The following UPF1 variants were observed in gnomAD, a reference collection of about 807,000 sequenced individuals.
The protein encoded by UPF1 is UPF1 RNA helicase and ATPase, also known as regulator of nonsense transcripts 1.
UPF1 carries 9 observed loss-of-function variants against 129.2 expected under a neutral mutation model. That is an observed-to-expected ratio of 0.07 (90% CI 0.04 to 0.12). The LOEUF (loss-of-function observed/expected upper bound fraction) is 0.12. Among genes scored for constraint, UPF1 ranks in the 10% least tolerant of loss-of-function variants. The pLI, the probability that UPF1 is intolerant of heterozygous loss-of-function variation, is 1.00. For synonymous variants in UPF1, 649 were observed against 644.9 expected (o/e 1.01, Z -0.10); for missense variants, 788 against 1,525.3 (o/e 0.52, Z 8.05).
intron 1 of UPF1, among the ~76,000 whole-genome samples, chr19:18,845,752 G>T (rs1383552180): frequency 6.6e-6 from 1 of 152,224 alleles, no homozygotes; most frequent in East Asian, 1.9e-4. Context: ...TGGCTAGGCG[G>T]GGGTTAGACC....
intron 1 of UPF1, among the ~76,000 whole-genome samples, chr19:18,836,463 T>TA (rs1247061304): frequency 6.6e-6 from 1 of 152,122 alleles, no homozygotes; most frequent in African/African-American, 2.4e-5. Flanking sequence ...ATTTAATTCA[T>TA]AAAAAAATTC....
In UPF1 at chr19:18,857,548, C is replaced by T. The variant is rs377119259; in HGVS notation, c.2182+15C>T. ...TGTCACTGCAGGTAACGGGGCTCTG[C>T]CCAGGGCAGGGGCTTCTACAGAGAA... On this transcript the variant is annotated intron_variant, in intron 15 of 23. Coordinates refer to ENST00000262803, the MANE Select transcript of UPF1 (RefSeq NM_002911.4). 1.1e-5 allele frequency: 18 copies of T among 1,598,310 alleles called. No individual in the cohort carries two copies. The highest frequency in any genetic ancestry group is 1.5e-5 in the Non-Finnish European group (18 of 1,172,540).
chr19:18,861,708 A>G (rs2055781876), intron 17 of UPF1, among the ~76,000 whole-genome samples: 1 of 152,122 alleles, frequency 6.6e-6, no homozygotes, highest in African/African-American at 2.4e-5. Flanking sequence ...GCATGTGTCT[A>G]TGGTCCCAGC....
At chr19:18,842,429 G>A (rs1209694073) in intron 1 of UPF1, among the ~76,000 whole-genome samples, 2 of 152,138 alleles carry the variant, frequency 1.3e-5, no homozygotes, top group Non-Finnish European at 2.9e-5. Context: ...AGAGATAAGT[G>A]TGTGAGAGCA....
intron 17 of UPF1, 55 bp from the exon 18 acceptor site, chr19:18,861,955 G>A (rs138307785): frequency 6.1e-5 from 98 of 1,599,210 alleles, no homozygotes; most frequent in Non-Finnish European, 7.8e-5. Flanking sequence ...CTGCATTTTG[G>A]GGGGACTGGG....
At position 18,863,576 on chromosome 19, in the gene UPF1, C is replaced by T; in HGVS notation, c.2739C>T (p.Phe913=). Residue 913 remains phenylalanine (F), a synonymous_variant, in exon 19 of 24, where the codon TTC becomes TTT. Transcript: ENST00000262803. ...ACCTGCGTGAGAGCCTCATGCAGTT[C>T]AGCAAGCCACGGAAGCTGGTCAACA... is the stretch of plus-strand genomic sequence containing the variant. ...LNNLRESLMQ[F]SKPRKLVNTI... 4 of 1,613,774 alleles carry T rather than the reference C, an allele frequency of 2.5e-6. No homozygotes were observed. In the South Asian group the frequency reaches 4.4e-5, roughly 18 times the overall value.
chr19:18,851,777 A>G lies in UPF1; in HGVS notation c.811-358A>G, dbSNP rs151195036. ...AGCTGCTCTCGTTCACAAGCTGGGC[A>G]TACTTGGAGGAAGCAGCTGGCTCTG... On this transcript the variant is annotated intron_variant, in intron 5 of 23. Coordinates refer to ENST00000262803, the MANE Select transcript of UPF1 (RefSeq NM_002911.4). The surrounding 1 kb of genome is among the most constrained non-coding windows in gnomAD (Gnocchi z 4.2). 4.6e-5 allele frequency among the ~76,000 whole-genome samples: 7 copies of G among 152,392 alleles called. No individual in the cohort carries two copies. The highest frequency in any genetic ancestry group is 1.4e-4 in the African/African-American group (6 of 41,600).
At chr19:18,842,823 A>G (rs1387854241) in intron 1 of UPF1, among the ~76,000 whole-genome samples, 1 of 151,908 alleles carries the variant, frequency 6.6e-6, no homozygotes, top group African/African-American at 2.4e-5. Flanking sequence ...AACATGGAGA[A>G]ACCCTGTCTC....
rs560320691 is a variant in UPF1 at position 18,852,018 on chromosome 19, C to T, written c.811-117C>T. 88 of 1,388,622 alleles carry T rather than the reference C, an allele frequency of 6.3e-5. No homozygotes were observed. In the South Asian group the frequency reaches 7.4e-4, roughly 12 times the overall value. The allele number at this position is 1,388,622 out of a possible 1,614,324, so 86.0% of individuals were successfully genotyped here. Reference sequence around the variant, plus strand: ...GCCAGAACCCCTCCATGCCACCCACCGTGGCCCATTCTGAGAAGCGGCATG... The same window carrying T: ...GCCAGAACCCCTCCATGCCACCCACTGTGGCCCATTCTGAGAAGCGGCATG... On this transcript the variant is annotated intron_variant, in intron 5 of 23. Transcript: ENST00000262803.
At position 18,856,950 on chromosome 19, in the gene UPF1, T is replaced by C. The variant is rs2055725244; in HGVS notation, c.1898T>C (p.Ile633Thr). Residue 633 changes from isoleucine to threonine, a missense_variant, in exon 14 of 24, where the codon ATT becomes ACT. This residue lies in a region of UPF1 where 140 missense variants were observed against 385.9 expected (regional missense o/e 0.36). Coordinates refer to ENST00000262803, the MANE Select transcript of UPF1 (RefSeq NM_002911.4). ...CTGGCCAAGATGCAGTTCCGCTCCA[T>C]TTTAATCGACGAAAGCACCCAGGCC... is the stretch of plus-strand genomic sequence containing the variant. ...PRLAKMQFRS[I>T]LIDESTQATE... The C allele has an allele frequency of 6.2e-7, 1 of 1,612,636 alleles. No individual in the cohort carries two copies. The highest frequency in any genetic ancestry group is 2.2e-5 in the East Asian group (1 of 44,870).
chr19:18,836,104 C>T lies in UPF1; in HGVS notation c.231+3664C>T, dbSNP rs138091438. Among the ~76,000 whole-genome samples the T allele has an allele frequency of 9.4e-3, 1,432 of 152,296 alleles. 19 individuals are homozygous for T. Among genetic ancestry groups the T allele is most frequent in the Non-Finnish European group, 0.013 (907 of 68,024 alleles). On this transcript the variant is annotated intron_variant, in intron 1 of 23. Transcript: ENST00000262803. ...GCCCTTGAGATCCTGGGATGAAAAG[C>T]GCTGACACAGTATTGCCAAGTGTCC...
In UPF1 at chr19:18,865,949, G is replaced by T. The variant is rs1004015801; in HGVS notation, c.3238-95G>T. The T allele has an allele frequency of 1.4e-5, 22 of 1,594,486 alleles. No individual in the cohort carries two copies. In the Middle Eastern group the frequency reaches 5.1e-4, roughly 37 times the overall value. On this transcript the variant is annotated intron_variant, in intron 22 of 23. Coordinates refer to ENST00000262803, the MANE Select transcript of UPF1 (RefSeq NM_002911.4). This position sits in a 1 kb window ranked among gnomAD's most constrained non-coding sequence, Gnocchi z 6.1. ...GTCTCCTGGGTCTTAGTTTGGGGACGGGTTTTCCATTCTTTTCTCTGGGGC... is the reference window on the plus strand; with the variant it reads ...GTCTCCTGGGTCTTAGTTTGGGGACTGGTTTTCCATTCTTTTCTCTGGGGC...
Position 18,867,358 on chromosome 19 carries a change from C to T in UPF1, c.*841C>T, listed in dbSNP as rs1466334698. ...CTGGACTCAGAAGCCAAGCTGCTTC[C>T]CGCCTAGACTCGGCGCAGGGCCCCG... On this transcript the variant is annotated 3_prime_UTR_variant, in exon 24 of 24. Coordinates refer to ENST00000262803, the MANE Select transcript of UPF1 (RefSeq NM_002911.4). The T allele has an allele frequency of 6.6e-6, 1 of 152,296 alleles. No homozygotes were observed. Among genetic ancestry groups the T allele is most frequent in the Non-Finnish European group, 1.5e-5 (1 of 68,070 alleles). 9.4% of individuals were successfully genotyped at this position (152,296 alleles called of 1,614,324 possible). A position where few individuals can be genotyped will look rare whatever the true frequency, so the allele number is the denominator to read the frequency against.
At position 18,850,883 on chromosome 19, in the gene UPF1, C is replaced by A; in HGVS notation, c.810+15C>A. On this transcript the variant is annotated intron_variant, in intron 5 of 23. Transcript: ENST00000262803. The surrounding 1 kb of genome is among the most constrained non-coding windows in gnomAD (Gnocchi z 7.1). ...AGCTGTGGAAGGTGGGGCTGCCCAG[C>A]GGGCCGACCCGTGCCTTCGTGTGGT... The A allele has an allele frequency of 6.5e-7, 1 of 1,543,054 alleles. No homozygotes were observed. Among genetic ancestry groups the A allele is most frequent in the South Asian group, 1.2e-5 (1 of 82,560 alleles).
In UPF1 at chr19:18,852,996, A is replaced by G; in HGVS notation, c.982A>G (p.Asn328Asp). 1 of 1,613,966 alleles carries G rather than the reference A, an allele frequency of 6.2e-7. No homozygotes were observed. The highest frequency in any genetic ancestry group is 8.5e-7 in the Non-Finnish European group (1 of 1,179,928). The change falls in exon 7 of 24, where the codon AAC becomes GAC. Residue 328 changes from asparagine (N) to aspartate (D), a missense_variant. Physicochemically the swap from Asn to Asp is conservative, Grantham distance 23. This residue lies in a region of UPF1 where 227 missense variants were observed against 517.9 expected (regional missense o/e 0.44). Coordinates refer to ENST00000262803, the MANE Select transcript of UPF1 (RefSeq NM_002911.4). ...TTTTTCATGTGCTCAGACTCAAGAT[A>G]ACATCACTGTCAGGTGGGACCTGGG... ...KKLKESQTQD[N>D]ITVRWDLGLN... is the part of the protein sequence containing the mutation.
intron 1 of UPF1, among the ~76,000 whole-genome samples, chr19:18,844,451 G>C (rs767421330): frequency 9.2e-5 from 14 of 151,556 alleles, no homozygotes; most frequent in Non-Finnish European, 2.1e-4. Context: ...AGCCTCCCAA[G>C]TAGCTGAGAT....
In UPF1 at chr19:18,868,098, G is replaced by A; in HGVS notation, c.*1581G>A. ...GGCCGCTTTGCCTCTGCTTCGCCCT[G>A]TGCTGTGTTCTCCAGCTTTGTAGCA... On this transcript the variant is annotated 3_prime_UTR_variant, in exon 24 of 24. Transcript: ENST00000262803. The A allele has an allele frequency of 5.7e-6, 1 of 176,458 alleles. No individual in the cohort carries two copies. Among genetic ancestry groups the A allele is most frequent in the Non-Finnish European group, 1.2e-5 (1 of 82,684 alleles). 10.9% of individuals were successfully genotyped at this position (176,458 alleles called of 1,614,324 possible). A position where few individuals can be genotyped will look rare whatever the true frequency, so the allele number is the denominator to read the frequency against.
intron 8 of UPF1, among the ~76,000 whole-genome samples, chr19:18,854,315 C>T (rs922251068): frequency 2.0e-5 from 3 of 152,172 alleles, no homozygotes; most frequent in Non-Finnish European, 2.9e-5. Flanking sequence ...CCGCCCTCTG[C>T]GTCTCTGAAA....
intron 1 of UPF1, among the ~76,000 whole-genome samples, chr19:18,833,803 C>G (rs2055454551): frequency 6.6e-6 from 1 of 152,218 alleles, no homozygotes; most frequent in South Asian, 2.1e-4. Flanking sequence ...GAGCTCAGAC[C>G]CTGTCCTTGC....
Sources: allele counts gnomAD v4.1 joint callset (sites outside exome capture counted in the v4.1 genomes callset), GRCh38; gene constraint gnomAD v4.1.1; regional missense constraint gnomAD v4.1.1; non-coding constraint Gnocchi (gnomAD v3.1); transcripts MANE v1.5; gene names NCBI Gene and HGNC (gene_info 2026-07-23, HGNC 2026-07-21).